Variants in CDC37L1 observed in about 807,000 individuals in gnomAD.
CDC37L1 encodes the protein hsp90 co-chaperone Cdc37-like 1.
In CDC37L1, 32 loss-of-function variants were observed where a neutral mutation model predicts 45.9. The observed-to-expected ratio is 0.70, with a 90% CI of 0.53 to 0.94. CDC37L1 has a LOEUF of 0.94. Ranked by LOEUF, CDC37L1 falls within the 40% of genes least tolerant of loss-of-function variation. The pLI, the probability that CDC37L1 is intolerant of heterozygous loss-of-function variation, is 0.00. For synonymous variants in CDC37L1, 150 were observed against 133.0 expected, an observed-to-expected ratio of 1.13 and a Z score of -0.88; for missense variants, 434 against 405.7, an observed-to-expected ratio of 1.07 and a Z score of -0.60.
chr9:4,688,568 C>G lies in CDC37L1; in HGVS notation c.470C>G (p.Ser157Ter), dbSNP rs1841272411. 1 of 1,524,312 alleles carries G rather than the reference C, an allele frequency of 6.6e-7. No homozygotes were observed. The highest frequency in any genetic ancestry group is 8.8e-7 in the Non-Finnish European group (1 of 1,132,802). 94.4% of individuals were successfully genotyped at this position (1,524,312 alleles called of 1,614,324 possible). The change falls in exon 3 of 7, where the codon TCA becomes TGA. Residue 157 changes from serine to a stop codon, truncating the protein, a stop_gained. Transcript: ENST00000381854. LOFTEE classifies it high-confidence loss of function. Reference protein sequence around the residue: ...KDTEDEDKSESFMQKYEQKIR... With the variant: ...KDTEDEDKSE ...ACAGAAGATGAAGATAAATCAGAAT[C>G]ATTTATGCAAAAATATGAGCAAAAA...
At chr9:4,693,030 G>T (rs556058128) in intron 3 of CDC37L1, among the ~76,000 whole-genome samples, 1 of 152,180 alleles carries the variant, frequency 6.6e-6, no homozygotes, top group South Asian at 2.1e-4. Flanking sequence ...AAATAGAGGA[G>T]ATCTGGAGTT....
intron 2 of CDC37L1, among the ~76,000 whole-genome samples, chr9:4,687,866 A>C (rs1431624493): frequency 6.6e-6 from 1 of 152,224 alleles, no homozygotes; most frequent in African/African-American, 2.4e-5. Context: ...ATAATGCACA[A>C]GTAAACTATG....
intron 3 of CDC37L1, among the ~76,000 whole-genome samples, chr9:4,696,576 G>A (rs948199920): frequency 6.6e-6 from 1 of 152,256 alleles, no homozygotes; most frequent in South Asian, 2.1e-4. Context: ...TGCTGGTTCC[G>A]TGATTTCTTG....
At chr9:4,703,658 G>A (rs1841419457) in intron 6 of CDC37L1, among the ~76,000 whole-genome samples, 3 of 152,138 alleles carry the variant, frequency 2.0e-5, no homozygotes, top group Admixed American at 2.0e-4. Context: ...ACTTTGGAAG[G>A]ATGTAACTGA....
chr9:4,691,015 G>A (rs1257260837), intron 3 of CDC37L1, among the ~76,000 whole-genome samples: 1 of 152,198 alleles, frequency 6.6e-6, no homozygotes, highest in African/African-American at 2.4e-5. Flanking sequence ...CTGAATTATG[G>A]CACAGAGTTG....
At chr9:4,702,150 G>A in intron 6 of CDC37L1, 122 bp downstream of exon 6, 2 of 473,950 alleles carry the variant, frequency 4.2e-6, no homozygotes, top group South Asian at 9.9e-5. Flanking sequence ...TGCCTCAGAA[G>A]ATAACTGTTG....
chr9:4,694,633 G>A (rs1841330037), intron 3 of CDC37L1, among the ~76,000 whole-genome samples: 1 of 152,140 alleles, frequency 6.6e-6, no homozygotes. Flanking sequence ...AGCACTTTGG[G>A]AGGCCGAGGC....
intron 6 of CDC37L1, among the ~76,000 whole-genome samples, chr9:4,704,250 T>C (rs1386459756): frequency 6.6e-6 from 1 of 152,234 alleles, no homozygotes; most frequent in Non-Finnish European, 1.5e-5. Flanking sequence ...CTGAAATTCA[T>C]AGAACTTAAG....
chr9:4,693,842 C>A (rs1056340494), intron 3 of CDC37L1, among the ~76,000 whole-genome samples: 9 of 152,058 alleles, frequency 5.9e-5, no homozygotes, highest in African/African-American at 9.7e-5. Flanking sequence ...TCATGAAAAT[C>A]CTGAGTTAGG....
At chr9:4,704,118 A>G (rs866810813) in intron 6 of CDC37L1, among the ~76,000 whole-genome samples, 2 of 152,224 alleles carry the variant, frequency 1.3e-5, no homozygotes, top group Admixed American at 6.5e-5. Flanking sequence ...GAAAAATCTT[A>G]CCATAATAAT....
chr9:4,700,823 A>C (rs1435580279), intron 5 of CDC37L1, among the ~76,000 whole-genome samples: 7 of 152,216 alleles, frequency 4.6e-5, no homozygotes, highest in Non-Finnish European at 1.0e-4. Flanking sequence ...AGTGGCCCAC[A>C]AATTACTTAA....
rs1587617349 is a variant in CDC37L1, at chr9:4,688,407, A to G, written c.415-106A>G. 1.9e-5 allele frequency: 12 copies of G among 624,338 alleles called. No homozygotes were observed. In the East Asian group the frequency reaches 3.2e-4, roughly 17 times the overall value. 38.7% of individuals were successfully genotyped at this position (624,338 alleles called of 1,614,324 possible). On this transcript the variant is annotated intron_variant, in intron 2 of 6. Coordinates refer to ENST00000381854, the MANE Select transcript of CDC37L1 (RefSeq NM_017913.4). ...TCATGTAATATCAGTATGATACTAT[A>G]CCACATATATTGTCTATAGGAAGAA...
intron 3 of CDC37L1, among the ~76,000 whole-genome samples, chr9:4,691,214 G>A (rs927025793): frequency 1.3e-5 from 2 of 152,214 alleles, no homozygotes; most frequent in African/African-American, 2.4e-5. Flanking sequence ...TGTGCAGGAT[G>A]TGCAGGTTTG....
intron 3 of CDC37L1, among the ~76,000 whole-genome samples, chr9:4,689,362 T>G (rs1841280360): frequency 6.6e-6 from 1 of 152,124 alleles, no homozygotes; most frequent in African/African-American, 2.4e-5. Context: ...GTTAATTTAG[T>G]AAACATGGTT....
rs1339536436 is a variant in CDC37L1 at position 4,697,819 on chromosome 9, G to A, written c.687G>A (p.Met229Ile). ...TTGTAATGCAGTTTATTATGGAAATGGCCAAAAACTGTAATGTGGATCCAA... is the reference window on the plus strand; with the variant it reads ...TTGTAATGCAGTTTATTATGGAAATAGCCAAAAACTGTAATGTGGATCCAA... ...QAVVMQFIME[M>I]AKNCNVDPRG... Residue 229 changes from methionine to isoleucine, a missense_variant, in exon 5 of 7, where the codon ATG (methionine) becomes ATA (isoleucine). Physicochemically the swap from Met to Ile is conservative, Grantham distance 10. Coordinates refer to ENST00000381854, the MANE Select transcript of CDC37L1 (RefSeq NM_017913.4). 1.2e-6 allele frequency: 2 copies of A among 1,609,688 alleles called. No homozygotes were observed. The highest frequency in any genetic ancestry group is 3.3e-5 in the Admixed American group (2 of 59,982).
At chr9:4,695,507 T>G (rs995684842) in intron 3 of CDC37L1, among the ~76,000 whole-genome samples, 8 of 152,258 alleles carry the variant, frequency 5.3e-5, no homozygotes, top group Admixed American at 4.6e-4. Flanking sequence ...TTTTAATCCT[T>G]TTAAGAGATG....
At position 4,688,576 on chromosome 9, in the gene CDC37L1, CA is replaced by C; in HGVS notation, c.483del (p.Lys161AsnfsTer12). The C allele has an allele frequency of 6.6e-7, 1 of 1,520,022 alleles. No individual in the cohort carries two copies. The highest frequency in any genetic ancestry group is 8.9e-7 in the Non-Finnish European group (1 of 1,128,236). 94.2% of individuals were successfully genotyped at this position (1,520,022 alleles called of 1,614,324 possible). A position where few individuals can be genotyped will look rare whatever the true frequency, so the allele number is the denominator to read the frequency against. Reference protein sequence around the residue: ...EDEDKSESFMQKYEQKIRHFG... With the variant: ...EDEDKSESFMXKYEQKIRHFG... ...TGAAGATAAATCAGAATCATTTATG[CA>C]AAAATATGAGCAAAAAATCAGACAT... On this transcript the variant is annotated frameshift_variant, in exon 3 of 7. Coordinates refer to ENST00000381854, the MANE Select transcript of CDC37L1 (RefSeq NM_017913.4). LOFTEE classifies it high-confidence loss of function.
At chr9:4,697,438 C>G (rs1327485911) in intron 4 of CDC37L1, among the ~76,000 whole-genome samples, 2 of 152,046 alleles carry the variant, frequency 1.3e-5, no homozygotes, top group Non-Finnish European at 2.9e-5. Context: ...TATGCTTTCT[C>G]TGCCACTCCA....
chr9:4,684,770 A>G (rs10739067), intron 1 of CDC37L1, 107 bp from the exon 2 acceptor site: 291,709 of 750,628 alleles, frequency 0.39, 59,404 homozygotes, highest in East Asian at 0.58. Flanking sequence ...AGGATATACT[A>G]TATACCAAAA....
Sources: allele counts gnomAD v4.1 joint callset (sites outside exome capture counted in the v4.1 genomes callset), GRCh38; gene constraint gnomAD v4.1.1; transcripts MANE v1.5; gene names NCBI Gene and HGNC (gene_info 2026-07-23, HGNC 2026-07-21).